DGKG: variants seen among roughly 807,000 people sequenced by gnomAD.
DGKG encodes diacylglycerol kinase gamma.
In DGKG, 78 loss-of-function variants were observed where a neutral mutation model predicts 105.3. The observed-to-expected ratio is 0.74, with a 90% confidence interval of 0.62 to 0.89. DGKG has a LOEUF of 0.89. Among genes scored for constraint, DGKG ranks in the 40% least tolerant of loss-of-function variants. DGKG has a pLI of 0.00. For missense variants in DGKG, 958 were observed against 1,020.1 expected, an observed-to-expected ratio of 0.94 and a Z score of 0.83; for synonymous variants, 346 against 367.1, an observed-to-expected ratio of 0.94 and a Z score of 0.66.
At chr3:186,184,470 G>A (rs1228583993) in intron 22 of DGKG, among the ~76,000 whole-genome samples, 1 of 151,518 alleles carries the variant, frequency 6.6e-6, no homozygotes, top group Non-Finnish European at 1.5e-5. Flanking sequence ...TGTGATCTCA[G>A]CTCACTGCAA....
chr3:186,162,178 G>C (rs755966837), intron 23 of DGKG, among the ~76,000 whole-genome samples: 1 of 152,240 alleles, frequency 6.6e-6, no homozygotes, highest in Non-Finnish European at 1.5e-5. Context: ...TTACAGGCAT[G>C]AGCCACTGCG....
chr3:186,315,122 G>A (rs73180371), intron 2 of DGKG, among the ~76,000 whole-genome samples: 1,544 of 152,256 alleles, frequency 0.01, 16 homozygotes, highest in Non-Finnish European at 0.015. Flanking sequence ...GATGACTAAA[G>A]CTGTTATCTC....
chr3:186,288,178 G>A lies in DGKG; in HGVS notation c.544+532C>T, dbSNP rs117183381. 9.9e-4 allele frequency among the ~76,000 whole-genome samples: 150 copies of A among 152,226 alleles called. 1 individual carries two copies. In the East Asian group the frequency reaches 0.027, roughly 27 times the overall value. The stretch of plus-strand genomic sequence containing the variant: ...ACTCCTTTAATTAACTGGCCCCCTC[G>A]TTCTCTAGAGGCCAAGAATCTTGGG... On this transcript the variant is annotated intron_variant, in intron 6 of 24. Transcript: ENST00000265022.
chr3:186,285,292 T>C (rs1369612546), intron 6 of DGKG, among the ~76,000 whole-genome samples: 1 of 152,232 alleles, frequency 6.6e-6, no homozygotes, highest in Non-Finnish European at 1.5e-5. Flanking sequence ...ATGTTACTAA[T>C]TTTTATTTTC....
intron 21 of DGKG, among the ~76,000 whole-genome samples, chr3:186,199,728 G>A (rs1031832195): frequency 6.6e-6 from 1 of 152,026 alleles, no homozygotes; most frequent in Admixed American, 6.5e-5. Flanking sequence ...GGCCAGGCTG[G>A]TCTTGAACAC....
chr3:186,259,204 G>T lies in DGKG; in HGVS notation c.1424+1235C>A, dbSNP rs190291109. ...CATGCGCATGAGAGACCCTCAGGGC[G>T]TATCAGCCCGGGAAGTAGCCACCTG... is the stretch of plus-strand genomic sequence containing the variant. On this transcript the variant is annotated intron_variant, in intron 16 of 24. Transcript: ENST00000265022. Among the ~76,000 whole-genome samples, 16 of 152,322 alleles carry T rather than the reference G, an allele frequency of 1.1e-4. No homozygotes were observed. In the East Asian group the frequency reaches 3.1e-3, roughly 29 times the overall value.
Position 186,148,075 on chromosome 3 carries a change from G to A in DGKG, c.*2015C>T. ...AAAGCTCCTGTCCAATGCAAGATTAGAGGCAGCTCAGTGGAACGATATCAA... is the reference window on the plus strand; with the variant it reads ...AAAGCTCCTGTCCAATGCAAGATTAAAGGCAGCTCAGTGGAACGATATCAA... On this transcript the variant is annotated 3_prime_UTR_variant, in exon 25 of 25. Coordinates refer to ENST00000265022, the MANE Select transcript of DGKG (RefSeq NM_001346.3). 3.1e-5 allele frequency: 31 copies of A among 985,440 alleles called. No homozygotes were observed. Among genetic ancestry groups the A allele is most frequent in the South Asian group, 4.7e-5 (1 of 21,288 alleles). The allele number at this position is 985,440 out of a possible 1,614,324, so 61.0% of individuals were successfully genotyped here.
intron 19 of DGKG, 171 bp from the exon 20 acceptor site, chr3:186,242,739 C>T (rs565129474): frequency 3.0e-5 from 16 of 542,280 alleles, no homozygotes; most frequent in Middle Eastern, 5.5e-4. Flanking sequence ...TCAACACTGC[C>T]TCCAGGGGGA....
At chr3:186,281,672 C>T (rs572703895) in intron 7 of DGKG, among the ~76,000 whole-genome samples, 9 of 152,166 alleles carry the variant, frequency 5.9e-5, no homozygotes, top group African/African-American at 2.2e-4. Flanking sequence ...ACAGGATAGG[C>T]CAGTAGATGA....
At chr3:186,195,591 C>T (rs1718140880) in intron 21 of DGKG, among the ~76,000 whole-genome samples, 1 of 152,082 alleles carries the variant, frequency 6.6e-6, no homozygotes, top group Non-Finnish European at 1.5e-5. Context: ...ACTCCAGGGT[C>T]TTATTAAAAT....
At chr3:186,297,311 A>G in intron 5 of DGKG, 110 bp downstream of exon 5, 1 of 831,610 alleles carries the variant, frequency 1.2e-6, no homozygotes, top group Non-Finnish European at 2.1e-6. Flanking sequence ...AGATCTGCAT[A>G]AGATTGCACA....
chr3:186,299,833 CTT>C (rs1412345441), intron 3 of DGKG, among the ~76,000 whole-genome samples: 1 of 97,600 alleles, frequency 1.0e-5, no homozygotes, highest in South Asian at 3.4e-4. Context: ...TTCTTTCTTT[CTT>C]TCTTTTTTTT....
chr3:186,256,287 G>A (rs1721467916), intron 17 of DGKG, among the ~76,000 whole-genome samples: 1 of 152,160 alleles, frequency 6.6e-6, no homozygotes, highest in Admixed American at 6.5e-5. Flanking sequence ...GCCCAGCTAG[G>A]TGGTCTACTT....
intron 21 of DGKG, among the ~76,000 whole-genome samples, chr3:186,191,213 T>C (rs891162492): frequency 6.6e-6 from 1 of 152,198 alleles, no homozygotes; most frequent in African/African-American, 2.4e-5. Context: ...GTGACCACCC[T>C]ACAACCTCTA....
chr3:186,275,431 G>T, intron 10 of DGKG, 116 bp downstream of exon 10: 1 of 866,558 alleles, frequency 1.2e-6, no homozygotes, highest in Non-Finnish European at 1.9e-6. Flanking sequence ...GGACAATATG[G>T]GTGGTCCCTC....
chr3:186,239,168 T>G (rs2108548623), intron 20 of DGKG, among the ~76,000 whole-genome samples: 1 of 152,312 alleles, frequency 6.6e-6, no homozygotes. Flanking sequence ...TCCTGGTAAG[T>G]GTTCCGGACC....
At chr3:186,341,932 C>A in intron 1 of DGKG, among the ~76,000 whole-genome samples, 1 of 152,052 alleles carries the variant, frequency 6.6e-6, no homozygotes, top group East Asian at 1.9e-4. Context: ...AACCAAACAC[C>A]CCATATTCTC....
At chr3:186,178,176 T>A (rs115340635) in intron 22 of DGKG, among the ~76,000 whole-genome samples, 2 of 152,196 alleles carry the variant, frequency 1.3e-5, no homozygotes, top group African/African-American at 4.8e-5. Flanking sequence ...CGATTTCTGT[T>A]GTTTACGCCA....
chr3:186,340,216 A>C (rs929516480), intron 1 of DGKG, among the ~76,000 whole-genome samples: 1 of 152,224 alleles, frequency 6.6e-6, no homozygotes, highest in African/African-American at 2.4e-5. Context: ...GCTGTAGAAG[A>C]CAAAACATTG....
Sources: gnomAD v4.1 joint callset for allele counts (sites outside exome capture counted in the v4.1 genomes callset) on GRCh38, gnomAD v4.1.1 for gene constraint, MANE v1.5 for transcripts, NCBI Gene and HGNC (gene_info 2026-07-23, HGNC 2026-07-21) for gene names.